Variants in COLQ observed in about 807,000 individuals in gnomAD.
COLQ encodes collagen like tail subunit of asymmetric acetylcholinesterase.
COLQ carries 48 observed loss-of-function variants against 69.0 expected under a neutral mutation model. That is an observed-to-expected ratio of 0.70 (90% CI 0.55 to 0.88). The LOEUF is 0.88. Among genes scored for constraint, COLQ ranks in the 40% least tolerant of loss-of-function variants. The probability of loss-of-function intolerance (pLI) is 0.00; values close to 1 mark genes in which losing one functional copy is unlikely to be tolerated. For synonymous variants in COLQ, 217 were observed against 211.2 expected, an observed-to-expected ratio of 1.03 and a Z score of -0.24; for missense variants, 618 against 594.6, an observed-to-expected ratio of 1.04 and a Z score of -0.41.
chr3:15,513,656 C>T (rs970677482), intron 1 of COLQ, among the ~76,000 whole-genome samples: 2 of 152,198 alleles, frequency 1.3e-5, no homozygotes, highest in Admixed American at 6.5e-5. Context: ...AAATAAACTA[C>T]TTGCACTCAA....
At chr3:15,514,049 A>G (rs769714432) in intron 1 of COLQ, among the ~76,000 whole-genome samples, 7 of 152,128 alleles carry the variant, frequency 4.6e-5, no homozygotes, top group Non-Finnish European at 8.8e-5. Flanking sequence ...TTGAAGGTGG[A>G]GAAAGGGGCC....
intron 12 of COLQ, among the ~76,000 whole-genome samples, chr3:15,459,056 C>G (rs1377150077): frequency 2.0e-5 from 3 of 152,082 alleles, no homozygotes; most frequent in African/African-American, 7.2e-5. Flanking sequence ...GTTGGCCAGG[C>G]TGGTCTCGAT....
intron 1 of COLQ, among the ~76,000 whole-genome samples, chr3:15,497,797 A>ACTAAT (rs1431863199): frequency 6.6e-6 from 1 of 152,258 alleles, no homozygotes; most frequent in African/African-American, 2.4e-5. Context: ...TCTCAGCTAC[A>ACTAAT]GTAAAGTTCT....
intron 1 of COLQ, among the ~76,000 whole-genome samples, chr3:15,518,097 C>A (rs1460651355): frequency 6.6e-6 from 1 of 152,146 alleles, no homozygotes; most frequent in African/African-American, 2.4e-5. Context: ...AGGCATGCAC[C>A]ACCACATCCA....
rs1022292418 is a variant in COLQ, at chr3:15,479,257, T to C, written c.366+81A>G. On this transcript the variant is annotated intron_variant, in intron 4 of 16. Transcript: ENST00000383788. Reference sequence around the variant, plus strand: ...TTAGCACATGTTTGGAAATCTCAACTAGGAAATTCTCAGTGGGATGCCCAG... The same window carrying C: ...TTAGCACATGTTTGGAAATCTCAACCAGGAAATTCTCAGTGGGATGCCCAG... 8.2e-6 allele frequency: 12 copies of C among 1,466,406 alleles called. No individual in the cohort carries two copies. In the Admixed American group the frequency reaches 2.0e-4, roughly 25 times the overall value. The allele number at this position is 1,466,406 out of a possible 1,614,324, so 90.8% of individuals were successfully genotyped here. A position where few individuals can be genotyped will look rare whatever the true frequency, so the allele number is the denominator to read the frequency against.
intron 1 of COLQ, among the ~76,000 whole-genome samples, chr3:15,493,947 G>A (rs2062708080): frequency 6.6e-6 from 1 of 152,234 alleles, no homozygotes; most frequent in African/African-American, 2.4e-5. Context: ...GCTGGCCGTG[G>A]TGGCACATGC....
chr3:15,509,043 C>G (rs756586022), intron 1 of COLQ, among the ~76,000 whole-genome samples: 10 of 152,030 alleles, frequency 6.6e-5, no homozygotes, highest in Non-Finnish European at 1.5e-4. Context: ...GGATCTTAAT[C>G]AATTCAAATG....
rs764516134 is a variant in COLQ, at chr3:15,456,472, C to A, written c.1062G>T (p.Trp354Cys). ...GGCCTGGGGGTACCTGGATGGGGAG[C>A]CAGCCAAGGCTGTCCTTGAAGTACA... ...RSLYFKDSLG[W>C]LPIQLTPFYP... is the part of the protein sequence containing the mutation. The change falls in exon 14 of 17, where the codon TGG becomes TGT. Residue 354 changes from tryptophan (W) to cysteine (C), a missense_variant. Trp to Cys is a radical substitution (Grantham distance 215, BLOSUM62 -2). Transcript: ENST00000383788. The A allele has an allele frequency of 6.2e-7, 1 of 1,614,096 alleles. No homozygotes were observed. The highest frequency in any genetic ancestry group is 8.5e-7 in the Non-Finnish European group (1 of 1,180,022).
intron 1 of COLQ, chr3:15,498,566 G>A: frequency 6.4e-7 from 1 of 1,552,038 alleles, no homozygotes; most frequent in Non-Finnish European, 8.7e-7. Context: ...AGATGAGCGA[G>A]GCTGAATGAT....
At chr3:15,470,092 C>A (rs992990431) in intron 11 of COLQ, among the ~76,000 whole-genome samples, 1 of 152,106 alleles carries the variant, frequency 6.6e-6, no homozygotes, top group Non-Finnish European at 1.5e-5. Context: ...AAATTGGAGG[C>A]CTGAGTAGGG....
chr3:15,507,784 T>A (rs950928862), intron 1 of COLQ, among the ~76,000 whole-genome samples: 2 of 152,362 alleles, frequency 1.3e-5, no homozygotes, highest in African/African-American at 4.8e-5. Context: ...TCATTTCTCA[T>A]ATAGTAAATG....
At chr3:15,464,742 C>T (rs540564677) in intron 12 of COLQ, among the ~76,000 whole-genome samples, 2 of 152,202 alleles carry the variant, frequency 1.3e-5, no homozygotes, top group Non-Finnish European at 2.9e-5. Flanking sequence ...TTTTGTATAA[C>T]TGAAGACAGA....
At chr3:15,469,612 T>C (rs2062250097) in intron 11 of COLQ, among the ~76,000 whole-genome samples, 1 of 152,176 alleles carries the variant, frequency 6.6e-6, no homozygotes, top group South Asian at 2.1e-4. Context: ...GGCTTCATAG[T>C]GTTATTATGG....
At position 15,473,745 on chromosome 3, in the gene COLQ, C is replaced by A. The variant is rs1403418332; in HGVS notation, c.636+255G>T. On this transcript the variant is annotated intron_variant, in intron 10 of 16. Transcript: ENST00000383788. This position sits in a 1 kb window ranked among gnomAD's most constrained non-coding sequence, Gnocchi z 4.0. ...TAGGAAAAGCAAAAAAGCAAAAAAA[C>A]AAACAAACAAACAAAAACCCAAAAC... 2.0e-5 allele frequency among the ~76,000 whole-genome samples: 3 copies of A among 151,996 alleles called. No individual in the cohort carries two copies. The highest frequency in any genetic ancestry group is 4.4e-5 in the Non-Finnish European group (3 of 68,018).
intron 13 of COLQ, among the ~76,000 whole-genome samples, chr3:15,456,898 T>C (rs1035385142): frequency 5.5e-4 from 83 of 151,964 alleles, no homozygotes; most frequent in African/African-American, 1.8e-3. Context: ...TCTCGGCTCA[T>C]TGCAACCTCT....
At chr3:15,462,570 C>T (rs2062137094) in intron 12 of COLQ, among the ~76,000 whole-genome samples, 1 of 152,166 alleles carries the variant, frequency 6.6e-6, no homozygotes, top group Non-Finnish European at 1.5e-5. Flanking sequence ...AGAACCCCTG[C>T]CTGGGAGCCC....
At chr3:15,509,814 C>T (rs2062959243) in intron 1 of COLQ, among the ~76,000 whole-genome samples, 1 of 152,190 alleles carries the variant, frequency 6.6e-6, no homozygotes, top group Admixed American at 6.5e-5. Flanking sequence ...TGGGATGTCC[C>T]CAACTCAGCC....
chr3:15,459,362 A>G (rs2062072552), intron 12 of COLQ, among the ~76,000 whole-genome samples: 1 of 152,162 alleles, frequency 6.6e-6, no homozygotes, highest in Admixed American at 6.6e-5. Flanking sequence ...GATACCCAGG[A>G]TACACCTCAG....
At chr3:15,520,341 A>G (rs2063119591) in intron 1 of COLQ, among the ~76,000 whole-genome samples, 1 of 152,128 alleles carries the variant, frequency 6.6e-6, no homozygotes, top group Admixed American at 6.5e-5. Context: ...TCACACTTTT[A>G]TAATTAGCCT....
Sources: allele counts gnomAD v4.1 joint callset (sites outside exome capture counted in the v4.1 genomes callset), GRCh38; gene constraint gnomAD v4.1.1; non-coding constraint Gnocchi (gnomAD v3.1); transcripts MANE v1.5; gene names NCBI Gene and HGNC (gene_info 2026-07-23, HGNC 2026-07-21).